FGF12: variants seen among roughly 807,000 people sequenced by gnomAD.
FGF12 encodes fibroblast growth factor 12.
A neutral mutation model predicts 23.6 loss-of-function variants in FGF12; 14 were observed. The ratio of observed to expected loss-of-function variants is 0.59; its 90% CI spans 0.39 to 0.93. The LOEUF (loss-of-function observed/expected upper bound fraction) is 0.93, where lower values mean the gene tolerates loss of function less well. Among genes scored for constraint, FGF12 ranks in the 40% least tolerant of loss-of-function variants. The pLI is 0.00. For synonymous variants in FGF12, 62 were observed against 77.3 expected (o/e 0.80, Z 1.04); for missense variants, 175 against 217.8 (o/e 0.80, Z 1.24).
intron 4 of FGF12, among the ~76,000 whole-genome samples, chr3:192,294,750 T>C (rs554013186): frequency 5.2e-4 from 79 of 152,312 alleles, no homozygotes; most frequent in African/African-American, 1.8e-3. Context: ...AAATAAAAGA[T>C]AAGCAACAGC....
At chr3:192,437,717 AAC>A (rs1456811844) in intron 2 of FGF12, among the ~76,000 whole-genome samples, 207 of 130,112 alleles carry the variant, frequency 1.6e-3, no homozygotes, top group African/African-American at 6.3e-3. Context: ...AAAACAAACA[AAC>A]AAAAAAAAAA....
At chr3:192,495,442 A>G (rs1229644105) in intron 2 of FGF12, among the ~76,000 whole-genome samples, 1 of 78,938 alleles carries the variant, frequency 1.3e-5, no homozygotes, top group Non-Finnish European at 3.0e-5. Flanking sequence ...TCCACAATTC[A>G]CAACAATGAT....
intron 2 of FGF12, among the ~76,000 whole-genome samples, chr3:192,430,898 A>C (rs559181144): frequency 6.6e-6 from 1 of 152,236 alleles, no homozygotes; most frequent in East Asian, 1.9e-4. Flanking sequence ...GAATTTCTCA[A>C]CCTTTGAGTT....
intron 2 of FGF12, among the ~76,000 whole-genome samples, chr3:192,479,777 A>T (rs547003172): frequency 6.3e-4 from 96 of 152,294 alleles, no homozygotes; most frequent in African/African-American, 1.7e-3. Flanking sequence ...TGCATTTCCC[A>T]TCCCCTAGAA....
chr3:192,471,164 A>G (rs1198953417), intron 2 of FGF12, among the ~76,000 whole-genome samples: 1 of 152,204 alleles, frequency 6.6e-6, no homozygotes, highest in Non-Finnish European at 1.5e-5. Flanking sequence ...TAGATGCTCC[A>G]TAAACATCAT....
In FGF12 at chr3:192,142,909, A is replaced by C. The variant is rs1713478071; in HGVS notation, c.*1100T>G. 1 of 152,132 alleles carries C rather than the reference A, an allele frequency of 6.6e-6. No homozygotes were observed. Among genetic ancestry groups the C allele is most frequent in the Non-Finnish European group, 1.5e-5 (1 of 67,990 alleles). 9.4% of individuals were successfully genotyped at this position (152,132 alleles called of 1,614,324 possible). A position where few individuals can be genotyped will look rare whatever the true frequency, so the allele number is the denominator to read the frequency against. ...GTCTCCAAATTTCATGGCAGAGTTT[A>C]AAAAACAATATAAGACTGTGGTAAG... is the stretch of plus-strand genomic sequence containing the variant. On this transcript the variant is annotated 3_prime_UTR_variant, in exon 6 of 6. Coordinates refer to ENST00000445105, the MANE Select transcript of FGF12 (RefSeq NM_004113.6).
intron 4 of FGF12, among the ~76,000 whole-genome samples, chr3:192,172,196 C>T (rs2108621326): frequency 6.6e-6 from 1 of 151,450 alleles, no homozygotes; most frequent in Middle Eastern, 3.4e-3. Context: ...CAAGACCAGC[C>T]TGGCCAACAT....
chr3:192,214,149 T>A (rs1718074871), intron 4 of FGF12, among the ~76,000 whole-genome samples: 1 of 152,210 alleles, frequency 6.6e-6, no homozygotes, highest in African/African-American at 2.4e-5. Context: ...ACCAAGAAAC[T>A]ATATGATTGT....
At chr3:192,324,183 A>T (rs545313516) in intron 4 of FGF12, among the ~76,000 whole-genome samples, 1 of 152,234 alleles carries the variant, frequency 6.6e-6, no homozygotes, top group South Asian at 2.1e-4. Context: ...TAAAATTAAA[A>T]AATAATAATA....
chr3:192,640,410 C>G (rs191295647), intron 2 of FGF12, among the ~76,000 whole-genome samples: 153 of 151,806 alleles, frequency 1.0e-3, no homozygotes, highest in African/African-American at 3.6e-3. Flanking sequence ...AAAAGCTTGC[C>G]GGGAGAATGT....
intron 3 of FGF12, among the ~76,000 whole-genome samples, chr3:192,351,838 T>A (rs1048986485): frequency 3.9e-5 from 6 of 152,128 alleles, no homozygotes; most frequent in Non-Finnish European, 7.4e-5. Flanking sequence ...GGGGTGACAG[T>A]TGAGACAAGA....
At chr3:192,648,945 G>A (rs1716110417) in intron 2 of FGF12, among the ~76,000 whole-genome samples, 1 of 152,050 alleles carries the variant, frequency 6.6e-6, no homozygotes, top group Non-Finnish European at 1.5e-5. Context: ...ACTCATTCTT[G>A]GAATGATTTC....
chr3:192,232,887 AT>A (rs552716993), intron 4 of FGF12, among the ~76,000 whole-genome samples: 167 of 152,042 alleles, frequency 1.1e-3, no homozygotes, highest in African/African-American at 3.7e-3. Flanking sequence ...TGATTTTGTT[AT>A]TTTTTTATGG....
chr3:192,684,935 C>T (rs1717678115), intron 2 of FGF12, among the ~76,000 whole-genome samples: 1 of 152,160 alleles, frequency 6.6e-6, no homozygotes, highest in Non-Finnish European at 1.5e-5. Context: ...GTCAACTCCC[C>T]TATTTACTTG....
intron 4 of FGF12, among the ~76,000 whole-genome samples, chr3:192,216,292 C>T (rs1292896699): frequency 1.3e-5 from 2 of 152,186 alleles, no homozygotes; most frequent in African/African-American, 4.8e-5. Context: ...CATTGTCACA[C>T]ATCCAGCCAT....
At chr3:192,149,211 G>T (rs978970032) in intron 5 of FGF12, among the ~76,000 whole-genome samples, 9 of 152,104 alleles carry the variant, frequency 5.9e-5, no homozygotes, top group Admixed American at 5.9e-4. Flanking sequence ...AAAATGTCTA[G>T]GTTTACGTGA....
At chr3:192,626,894 A>G (rs1418007608) in intron 2 of FGF12, among the ~76,000 whole-genome samples, 3 of 152,166 alleles carry the variant, frequency 2.0e-5, no homozygotes, top group Non-Finnish European at 2.9e-5. Context: ...AGGCATGAGC[A>G]CTATGCCTGG....
intron 2 of FGF12, among the ~76,000 whole-genome samples, chr3:192,531,676 TAAC>T (rs1290643737): frequency 1.3e-5 from 2 of 152,254 alleles, no homozygotes; most frequent in African/African-American, 4.8e-5. Flanking sequence ...TTAAAGTTAT[TAAC>T]AACATTTTGG....
At chr3:192,575,413 G>A (rs118147122) in intron 2 of FGF12, among the ~76,000 whole-genome samples, 1 of 152,178 alleles carries the variant, frequency 6.6e-6, no homozygotes, top group African/African-American at 2.4e-5. Context: ...CTGTCCTAAT[G>A]TACTTCAGTT....
Sources: allele counts gnomAD v4.1 joint callset (sites outside exome capture counted in the v4.1 genomes callset), GRCh38; gene constraint gnomAD v4.1.1; transcripts MANE v1.5; gene names NCBI Gene and HGNC (gene_info 2026-07-23, HGNC 2026-07-21).